The following SPECC1L variants were observed in gnomAD, a reference collection of about 807,000 sequenced individuals.
SPECC1L encodes sperm antigen with calponin homology and coiled-coil domains 1 like.
A neutral mutation model predicts 116.8 loss-of-function variants in SPECC1L; 40 were observed. The observed-to-expected ratio is 0.34, with a 90% CI of 0.27 to 0.45. The LOEUF (loss-of-function observed/expected upper bound fraction) is 0.45, where lower values mean the gene tolerates loss of function less well. Ranked by LOEUF, SPECC1L falls within the 20% of genes least tolerant of loss-of-function variation. The pLI, the probability that SPECC1L is intolerant of heterozygous loss-of-function variation, is 1.00. For missense variants in SPECC1L, 1,110 were observed against 1,373.6 expected (o/e 0.81, Z 3.03); for synonymous variants, 504 against 500.6 (o/e 1.01, Z -0.09).
intron 14 of SPECC1L, among the ~76,000 whole-genome samples, chr22:24,395,576 G>T (rs2042351861): frequency 6.6e-6 from 1 of 152,014 alleles, no homozygotes. Context: ...CATTTTCATG[G>T]ATTGCAAAGG....
Position 24,365,506 on chromosome 22 carries a change from G to T in SPECC1L, c.2858G>T (p.Arg953Leu). The T allele has an allele frequency of 6.2e-7, 1 of 1,614,056 alleles. No homozygotes were observed. Among genetic ancestry groups the T allele is most frequent in the Non-Finnish European group, 8.5e-7 (1 of 1,179,986 alleles). ...CGACGAAGTAGTGAAGAAGTGAAAC[G>T]GGACATTTCTGCACAGGAGGGAGCG... Reference protein sequence around the residue: ...VSRRSSEEVKRDISAQEGASP... With the variant: ...VSRRSSEEVKLDISAQEGASP... Residue 953 changes from arginine (R) to leucine (L), a missense_variant, in exon 13 of 17, where the codon CGG (arginine) becomes CTG (leucine). Arg to Leu is a moderately radical substitution (Grantham distance 102, BLOSUM62 -2). This residue lies in a region of SPECC1L where 575 missense variants were observed against 682.4 expected (regional missense o/e 0.84). Coordinates refer to ENST00000314328, the MANE Select transcript of SPECC1L (RefSeq NM_015330.6).
chr22:24,382,044 TAA>T (rs2042072317), intron 14 of SPECC1L, among the ~76,000 whole-genome samples: 1 of 152,146 alleles, frequency 6.6e-6, no homozygotes, highest in South Asian at 2.1e-4. Flanking sequence ...TAAAACTCAG[TAA>T]AGTAAAATTT....
At chr22:24,407,178 G>C (rs1026544483) in intron 14 of SPECC1L, among the ~76,000 whole-genome samples, 4 of 152,236 alleles carry the variant, frequency 2.6e-5, no homozygotes. Context: ...CCCCCAGCTA[G>C]CCTTCTTTTG....
chr22:24,317,143 C>T (rs2040595555), intron 4 of SPECC1L, among the ~76,000 whole-genome samples: 1 of 106,236 alleles, frequency 9.4e-6, no homozygotes, highest in Admixed American at 9.6e-5. Flanking sequence ...GGCTGACCCC[C>T]CTACCTCCCT....
In SPECC1L at chr22:24,306,069, C is replaced by T. The variant is rs201412324; in HGVS notation, c.153+3685C>T. Among the ~76,000 whole-genome samples, 7 of 152,188 alleles carry T rather than the reference C, an allele frequency of 4.6e-5. No individual in the cohort carries two copies. In the East Asian group the frequency reaches 1.4e-3, roughly 30 times the overall value. ...TACAGGCATGTGCCACCACGCCTGGCTAATTTTTTGTATTTTTAGTAGAGA... is the reference window on the plus strand; with the variant it reads ...TACAGGCATGTGCCACCACGCCTGGTTAATTTTTTGTATTTTTAGTAGAGA... On this transcript the variant is annotated intron_variant, in intron 3 of 16. Coordinates refer to ENST00000314328, the MANE Select transcript of SPECC1L (RefSeq NM_015330.6).
At chr22:24,349,807 A>G (rs1400704533) in intron 11 of SPECC1L, among the ~76,000 whole-genome samples, 28 of 152,228 alleles carry the variant, frequency 1.8e-4, no homozygotes, top group Admixed American at 1.8e-3. Flanking sequence ...CCTCCCTGGT[A>G]TAAGCCACCA....
At chr22:24,351,016 C>T (rs964361127) in intron 11 of SPECC1L, among the ~76,000 whole-genome samples, 1 of 152,190 alleles carries the variant, frequency 6.6e-6, no homozygotes, top group Non-Finnish European at 1.5e-5. Flanking sequence ...GAGTGCTGCA[C>T]TGAGAAATGG....
In SPECC1L at chr22:24,347,138, C is replaced by T; in HGVS notation, c.2705C>T (p.Ser902Leu). ...ACATCCAAACCCCTGACAGCCCTGT[C>T]AGATAAGAGACCAAACTATGGGGAA... ...ISTSKPLTAL[S>L]DKRPNYGEIP... The change falls in exon 11 of 17, where the codon TCA (serine) becomes TTA (leucine). Residue 902 changes from serine (S) to leucine (L), a missense_variant. By Grantham distance (145) the Ser-to-Leu change is moderately radical. This residue lies in a region of SPECC1L where 575 missense variants were observed against 682.4 expected (regional missense o/e 0.84). Coordinates refer to ENST00000314328, the MANE Select transcript of SPECC1L (RefSeq NM_015330.6). 1.2e-6 allele frequency: 2 copies of T among 1,613,986 alleles called. No individual in the cohort carries two copies. Among genetic ancestry groups the T allele is most frequent in the Non-Finnish European group, 1.7e-6 (2 of 1,179,904 alleles).
chr22:24,375,497 T>C (rs2041954135), intron 14 of SPECC1L, among the ~76,000 whole-genome samples: 13 of 152,110 alleles, frequency 8.5e-5, no homozygotes, highest in Admixed American at 8.5e-4. Context: ...CATATGAAAA[T>C]GAATTAATAC....
At chr22:24,298,043 A>G (rs1260253598) in intron 2 of SPECC1L, among the ~76,000 whole-genome samples, 3 of 152,310 alleles carry the variant, frequency 2.0e-5, no homozygotes, top group Non-Finnish European at 4.4e-5. Context: ...ATGGTCCCCA[A>G]CTTACTGTGG....
intron 10 of SPECC1L, among the ~76,000 whole-genome samples, chr22:24,343,986 A>G (rs948336037): frequency 2.0e-5 from 3 of 152,206 alleles, no homozygotes; most frequent in South Asian, 4.1e-4. Flanking sequence ...CTTCCCACAT[A>G]GAAAACTCCA....
chr22:24,414,544 A>C lies in SPECC1L; in HGVS notation c.3275A>C (p.Glu1092Ala). ...VGIKSTLDIN[E>A]MVRTERPDWQ... is the part of the protein sequence containing the mutation. ...TTCCTTGTCTGTCAGGACATTAATG[A>C]AATGGTACGGACTGAACGACCCGAC... Residue 1092 changes from glutamate (E) to alanine (A), a missense_variant, in exon 17 of 17, where the codon GAA becomes GCA. Physicochemically the swap from Glu to Ala is moderately radical, Grantham distance 107. This residue lies in a region of SPECC1L where 76 missense variants were observed against 148.5 expected (regional missense o/e 0.51). Transcript: ENST00000314328. 2 of 1,613,910 alleles carry C rather than the reference A, an allele frequency of 1.2e-6. No homozygotes were observed. The highest frequency in any genetic ancestry group is 1.7e-4 in the Middle Eastern group (1 of 6,060).
Position 24,271,253 on chromosome 22 carries a change from G to C in SPECC1L, c.-142+270G>C, listed in dbSNP as rs372943792. On this transcript the variant is annotated intron_variant, in intron 1 of 16. Transcript: ENST00000314328. ...CTTCGTCCGTTGGTGTTGGGGTTCA[G>C]CTGGTTCTGGGACCCCGCTTGCGGC... Among the ~76,000 whole-genome samples, 82 of 152,382 alleles carry C rather than the reference G, an allele frequency of 5.4e-4. 1 individual carries two copies. Among genetic ancestry groups the C allele is most frequent in the African/African-American group, 1.8e-3 (75 of 41,594 alleles).
At chr22:24,325,550 T>C in intron 6 of SPECC1L, among the ~76,000 whole-genome samples, 1 of 147,144 alleles carries the variant, frequency 6.8e-6, no homozygotes, top group Non-Finnish European at 1.5e-5. Flanking sequence ...TTTATTTATT[T>C]ATTTATTTAT....
At chr22:24,349,610 T>C (rs1030564033) in intron 11 of SPECC1L, among the ~76,000 whole-genome samples, 1 of 152,178 alleles carries the variant, frequency 6.6e-6, no homozygotes, top group Non-Finnish European at 1.5e-5. Context: ...TCCCCCACTT[T>C]CCAAACTTGT....
intron 8 of SPECC1L, among the ~76,000 whole-genome samples, chr22:24,330,876 C>T (rs1463179436): frequency 6.6e-6 from 1 of 152,210 alleles, no homozygotes; most frequent in Non-Finnish European, 1.5e-5. Context: ...TGACACAATA[C>T]TACCTGCCTT....
chr22:24,315,511 A>G (rs558340317), intron 4 of SPECC1L, among the ~76,000 whole-genome samples: 3 of 152,274 alleles, frequency 2.0e-5, no homozygotes, highest in Non-Finnish European at 4.4e-5. Context: ...TCATCACCAC[A>G]TTTAACATTG....
chr22:24,379,341 C>G (rs1281053947), intron 14 of SPECC1L, among the ~76,000 whole-genome samples: 1 of 151,740 alleles, frequency 6.6e-6, no homozygotes, highest in Non-Finnish European at 1.5e-5. Context: ...TATTGTACCA[C>G]TGCACTCCTG....
At chr22:24,323,706 G>A (rs902366879) in intron 5 of SPECC1L, among the ~76,000 whole-genome samples, 6 of 152,090 alleles carry the variant, frequency 3.9e-5, no homozygotes, top group Non-Finnish European at 8.8e-5. Flanking sequence ...TTAGATTTTA[G>A]GGTGTTTTTA....
Sources: gnomAD v4.1 joint callset for allele counts (sites outside exome capture counted in the v4.1 genomes callset) on GRCh38, gnomAD v4.1.1 for gene constraint, gnomAD v4.1.1 regional missense constraint, MANE v1.5 for transcripts, NCBI Gene and HGNC (gene_info 2026-07-23, HGNC 2026-07-21) for gene names.